Variants in MRPS6 observed in about 807,000 individuals in gnomAD.
The protein encoded by MRPS6 is small ribosomal subunit protein bS6m.
Under a neutral mutation model 13.1 loss-of-function variants are expected in MRPS6, and 6 were observed. That is an observed-to-expected ratio of 0.46 (90% CI 0.25 to 0.91). MRPS6 has a LOEUF of 0.91. Among genes scored for constraint, MRPS6 ranks in the 40% least tolerant of loss-of-function variants. The pLI is 0.18. For missense variants in MRPS6, 164 were observed against 155.6 expected (o/e 1.05, Z -0.29); for synonymous variants, 61 against 56.5 (o/e 1.08, Z -0.36).
rs1337947592 is a variant in MRPS6 at position 34,101,523 on chromosome 21, T to C, written c.46-23818T>C. The C allele has an allele frequency of 3.0e-6, 3 of 1,000,080 alleles. No individual in the cohort carries two copies. The East Asian group carries it at 3.4e-4, about 113-fold the overall frequency. The allele number at this position is 1,000,080 out of a possible 1,614,324, so 62.0% of individuals were successfully genotyped here. ...TACAAATGGGATCTGTTTCTATATGTGTATATGCCCACTTACCATTCAGAG... is the reference window on the plus strand; with the variant it reads ...TACAAATGGGATCTGTTTCTATATGCGTATATGCCCACTTACCATTCAGAG... On this transcript the variant is annotated intron_variant, in intron 1 of 2. Coordinates refer to ENST00000399312, the MANE Select transcript of MRPS6 (RefSeq NM_032476.4).
At chr21:34,139,151 A>C (rs1011916013) in intron 2 of MRPS6, among the ~76,000 whole-genome samples, 1 of 130,078 alleles carries the variant, frequency 7.7e-6, no homozygotes, top group African/African-American at 2.9e-5. Context: ...ACACATGGAC[A>C]CTGGAAGGGG....
chr21:34,142,200 C>A lies in MRPS6; in HGVS notation c.186-208C>A, dbSNP rs143543120. 5.5e-4 allele frequency among the ~76,000 whole-genome samples: 83 copies of A among 152,196 alleles called. No homozygotes were observed. In the East Asian group the frequency reaches 0.012, roughly 21 times the overall value. ...TTCACAAGAGTGTAATGGGAAAGAC[C>A]ATAGAAAAAGGGAGATTGGGCTTAA... is the stretch of plus-strand genomic sequence containing the variant. On this transcript the variant is annotated intron_variant, in intron 2 of 2. Transcript: ENST00000399312.
At chr21:34,136,053 C>T (rs1180339260) in intron 2 of MRPS6, 4 of 251,214 alleles carry the variant, frequency 1.6e-5, no homozygotes, top group South Asian at 6.1e-5. Context: ...ACTGCTGGTG[C>T]TGTCTCCCAC....
intron 1 of MRPS6, among the ~76,000 whole-genome samples, chr21:34,118,557 C>CTT (rs373895797): frequency 2.7e-4 from 36 of 133,176 alleles, no homozygotes; most frequent in Middle Eastern, 3.9e-3. Context: ...TTCTTTCTTT[C>CTT]TTTTTTTTTT....
chr21:34,107,864 T>G (rs1456952820), intron 1 of MRPS6, among the ~76,000 whole-genome samples: 1 of 152,238 alleles, frequency 6.6e-6, no homozygotes, highest in Non-Finnish European at 1.5e-5. Flanking sequence ...GGATGCACTG[T>G]GTCATTTCCC....
chr21:34,137,364 A>G (rs1980743340), intron 2 of MRPS6, among the ~76,000 whole-genome samples: 3 of 152,086 alleles, frequency 2.0e-5, no homozygotes, highest in Admixed American at 1.3e-4. Flanking sequence ...AGTTTTGCAT[A>G]CCTTTTGTCT....
chr21:34,087,611 G>A (rs182598398), intron 1 of MRPS6, among the ~76,000 whole-genome samples: 83 of 152,342 alleles, frequency 5.4e-4, no homozygotes, highest in African/African-American at 1.9e-3. Context: ...AGTTACTTTT[G>A]TGCAAAGACG....
At chr21:34,097,694 A>G in intron 1 of MRPS6, 2 of 1,021,554 alleles carry the variant, frequency 2.0e-6, no homozygotes, top group Non-Finnish European at 2.4e-6. Flanking sequence ...CTGCACTGCC[A>G]AGTCTTGGCA....
chr21:34,098,736 T>G (rs1569417763), intron 1 of MRPS6: 2 of 1,000,120 alleles, frequency 2.0e-6, no homozygotes, highest in Non-Finnish European at 2.4e-6. Context: ...TGACATGGCT[T>G]GGCACCCACT....
chr21:34,075,166 C>G (rs920643885), intron 1 of MRPS6, among the ~76,000 whole-genome samples: 6 of 152,158 alleles, frequency 3.9e-5, no homozygotes, highest in African/African-American at 9.7e-5. Context: ...CTTCAACTTA[C>G]GTGTTTTAGG....
intron 2 of MRPS6, among the ~76,000 whole-genome samples, chr21:34,138,802 G>A (rs368663757): frequency 1.1e-4 from 17 of 151,912 alleles, no homozygotes; most frequent in African/African-American, 3.9e-4. Flanking sequence ...ATCTAGAACT[G>A]GAAATACCAT....
chr21:34,115,912 A>G (rs1484253766), intron 1 of MRPS6, among the ~76,000 whole-genome samples: 1 of 150,390 alleles, frequency 6.6e-6, no homozygotes, highest in East Asian at 1.9e-4. Context: ...ATGTTTGTCT[A>G]CATAGTCCTT....
intron 1 of MRPS6, among the ~76,000 whole-genome samples, chr21:34,090,307 T>C (rs185020992): frequency 6.6e-6 from 1 of 152,344 alleles, no homozygotes; most frequent in African/African-American, 2.4e-5. Context: ...TGAGTACACA[T>C]ACACTCTGCA....
chr21:34,123,570 A>G (rs1290085643), intron 1 of MRPS6: 1 of 152,034 alleles, frequency 6.6e-6, no homozygotes, highest in South Asian at 2.1e-4. Context: ...TGAAGATAAA[A>G]TATGTAACAA....
chr21:34,093,364 A>C (rs1978805078), intron 1 of MRPS6, among the ~76,000 whole-genome samples: 1 of 152,096 alleles, frequency 6.6e-6, no homozygotes, highest in Non-Finnish European at 1.5e-5. Flanking sequence ...TTAAAAAGGC[A>C]CGCAGATGGG....
chr21:34,109,747 T>C (rs1022408284), intron 1 of MRPS6, among the ~76,000 whole-genome samples: 2 of 152,140 alleles, frequency 1.3e-5, no homozygotes, highest in Non-Finnish European at 1.5e-5. Flanking sequence ...TGCTTCTACT[T>C]CCTTTCTTCC....
intron 1 of MRPS6, among the ~76,000 whole-genome samples, chr21:34,094,242 T>C (rs1462314764): frequency 1.3e-5 from 2 of 152,180 alleles, no homozygotes; most frequent in Non-Finnish European, 2.9e-5. Context: ...AGGGGGCGTC[T>C]CACAAGATCT....
chr21:34,086,465 T>C (rs988331632), intron 1 of MRPS6, among the ~76,000 whole-genome samples: 4 of 152,116 alleles, frequency 2.6e-5, no homozygotes, highest in Non-Finnish European at 5.9e-5. Context: ...ATTAGTCCTT[T>C]TGCATCAGTT....
intron 1 of MRPS6, chr21:34,103,599 A>G (rs1979345956): frequency 1.0e-6 from 1 of 1,000,148 alleles, no homozygotes; most frequent in Non-Finnish European, 1.2e-6. Context: ...ACATTAGTGT[A>G]CCCACACATA....
Sources: allele counts gnomAD v4.1 joint callset (sites outside exome capture counted in the v4.1 genomes callset), GRCh38; gene constraint gnomAD v4.1.1; transcripts MANE v1.5; gene names NCBI Gene and HGNC (gene_info 2026-07-23, HGNC 2026-07-21).